DMXL1: variants seen among roughly 807,000 people sequenced by gnomAD.
DMXL1 encodes dmX-like protein 1.
DMXL1 carries 99 observed loss-of-function variants against 319.2 expected under a neutral mutation model. The ratio of observed to expected loss-of-function variants is 0.31; its 90% CI spans 0.26 to 0.37. The LOEUF (loss-of-function observed/expected upper bound fraction) is 0.37. Ranked by LOEUF, DMXL1 falls within the 10% of genes least tolerant of loss-of-function variation. DMXL1 has a pLI of 1.00. For synonymous variants in DMXL1, 1,385 were observed against 1,235.2 expected, an observed-to-expected ratio of 1.12 and a Z score of -2.54; for missense variants, 3,745 against 3,595.6, an observed-to-expected ratio of 1.04 and a Z score of -1.06.
intron 1 of DMXL1, among the ~76,000 whole-genome samples, chr5:119,082,020 TACACACACACACAC>T (rs565047535): frequency 6.5e-5 from 7 of 108,164 alleles, no homozygotes; most frequent in Admixed American, 2.9e-4. Context: ...TATATATATA[TACACACACACACAC>T]ACACACACAC....
chr5:119,238,121 A>T (rs2150721202), intron 40 of DMXL1, among the ~76,000 whole-genome samples: 1 of 152,130 alleles, frequency 6.6e-6, no homozygotes, highest in Non-Finnish European at 1.5e-5. Flanking sequence ...AAAGATTTAG[A>T]TGTATAAGTT....
chr5:119,097,470 C>T (rs1458780482), intron 1 of DMXL1, among the ~76,000 whole-genome samples: 1 of 152,144 alleles, frequency 6.6e-6, no homozygotes, highest in African/African-American at 2.4e-5. Context: ...GTAATCCCAG[C>T]ACTTTGGGAG....
At chr5:119,123,969 A>G (rs1762899497) in intron 9 of DMXL1, among the ~76,000 whole-genome samples, 1 of 150,962 alleles carries the variant, frequency 6.6e-6, no homozygotes. Context: ...GCAGCAACTC[A>G]CTGGATTAGT....
intron 13 of DMXL1, among the ~76,000 whole-genome samples, chr5:119,139,825 C>A (rs189316206): frequency 4.6e-5 from 7 of 152,246 alleles, no homozygotes; most frequent in African/African-American, 1.7e-4. Context: ...AATATATATT[C>A]CTCTCATTGC....
At chr5:119,073,350 C>G (rs1750085691) in intron 1 of DMXL1, among the ~76,000 whole-genome samples, 1 of 152,194 alleles carries the variant, frequency 6.6e-6, no homozygotes, top group African/African-American at 2.4e-5. Flanking sequence ...GCGTGAGCCA[C>G]CATGCCCAGC....
chr5:119,091,180 G>C (rs1754725751), intron 1 of DMXL1, among the ~76,000 whole-genome samples: 1 of 151,882 alleles, frequency 6.6e-6, no homozygotes, highest in Non-Finnish European at 1.5e-5. Flanking sequence ...TGTTTGGTGA[G>C]ATCATGGTTC....
intron 35 of DMXL1, among the ~76,000 whole-genome samples, chr5:119,217,545 C>G (rs566157114): frequency 3.0e-4 from 46 of 152,248 alleles, no homozygotes; most frequent in African/African-American, 1.1e-3. Flanking sequence ...CCTTCTGTCT[C>G]CCCTAATTGC....
chr5:119,226,154 A>G (rs79364157), intron 38 of DMXL1, among the ~76,000 whole-genome samples: 5,304 of 152,250 alleles, frequency 0.035, 245 homozygotes, highest in African/African-American at 0.11. Context: ...GTTAGGTAGC[A>G]TCAATTACTG....
intron 41 of DMXL1, among the ~76,000 whole-genome samples, chr5:119,240,166 G>A (rs985706261): frequency 1.4e-4 from 22 of 151,910 alleles, no homozygotes; most frequent in African/African-American, 3.6e-4. Flanking sequence ...CCAGCTACTC[G>A]GGACATTGAG....
At chr5:119,182,965 T>C (rs745502780) in intron 28 of DMXL1, among the ~76,000 whole-genome samples, 43 of 152,328 alleles carry the variant, frequency 2.8e-4, no homozygotes, top group Non-Finnish European at 5.0e-4. Flanking sequence ...TTTTAAGAAT[T>C]GTTATTGTGT....
At chr5:119,110,779 G>C (rs1580755484) in intron 5 of DMXL1, among the ~76,000 whole-genome samples, 1 of 152,156 alleles carries the variant, frequency 6.6e-6, no homozygotes, top group Non-Finnish European at 1.5e-5. Context: ...TAATGCCACA[G>C]ATGATCAAGC....
intron 1 of DMXL1, among the ~76,000 whole-genome samples, chr5:119,092,571 G>A (rs1353403891): frequency 6.6e-6 from 1 of 152,064 alleles, no homozygotes; most frequent in Non-Finnish European, 1.5e-5. Context: ...TATTAACAAT[G>A]TGTATTACCA....
At chr5:119,119,051 G>C (rs1284733783) in intron 8 of DMXL1, 47 bp downstream of exon 8, 13 of 1,321,896 alleles carry the variant, frequency 9.8e-6, no homozygotes, top group Non-Finnish European at 1.3e-5. Context: ...AAAACCTTTG[G>C]TACATTGCCT....
chr5:119,216,489 C>G (rs1263012138), intron 34 of DMXL1, among the ~76,000 whole-genome samples: 1 of 152,070 alleles, frequency 6.6e-6, no homozygotes, highest in Non-Finnish European at 1.5e-5. Flanking sequence ...CAACAGTGAC[C>G]CTTTGTGGTC....
At chr5:119,077,559 C>G (rs1340439413) in intron 1 of DMXL1, among the ~76,000 whole-genome samples, 1 of 132,750 alleles carries the variant, frequency 7.5e-6, no homozygotes, top group Non-Finnish European at 1.6e-5. Context: ...TCTCAGCTCA[C>G]TGCAGCCTCT....
chr5:119,239,905 C>T (rs933032641), intron 41 of DMXL1, among the ~76,000 whole-genome samples: 2 of 139,672 alleles, frequency 1.4e-5, no homozygotes, highest in Admixed American at 1.6e-4. Flanking sequence ...TGCAGTGAGC[C>T]AAGATCACAC....
At chr5:119,216,795 ACTTT>A (rs1783778039) in intron 34 of DMXL1, 102 bp from the exon 35 acceptor site, 1 of 679,412 alleles carries the variant, frequency 1.5e-6, no homozygotes, top group Admixed American at 2.8e-5. Context: ...TGAAATATCT[ACTTT>A]CTTAAAATAA....
chr5:119,148,759 A>G lies in DMXL1; in HGVS notation c.2932A>G (p.Ile978Val). 8 of 1,612,726 alleles carry G rather than the reference A, an allele frequency of 5.0e-6. No individual in the cohort carries two copies. Among genetic ancestry groups the G allele is most frequent in the Non-Finnish European group, 6.8e-6 (8 of 1,179,110 alleles). The change falls in exon 18 of 44, where the codon ATA (isoleucine) becomes GTA (valine). Residue 978 changes from isoleucine (I) to valine (V), a missense_variant. Ile to Val is a conservative substitution (Grantham distance 29). Coordinates refer to ENST00000539542, the MANE Select transcript of DMXL1 (RefSeq NM_001290321.3). The stretch of plus-strand genomic sequence containing the variant: ...TTTAGGACATCTGAGTTCATCTTCT[A>G]TATATCCTGCATGCAGTGCTCCTTA... ...PSAGHLSSSSIYPACSAPYLL... is the reference protein window; with the variant it reads ...PSAGHLSSSSVYPACSAPYLL...
At position 119,071,675 on chromosome 5, in the gene DMXL1, C is replaced by T. The variant is rs921219; in HGVS notation, c.87+19C>T. ...CTTCACGGTGAGTGAGGGAGGCCCT[C>T]GCGTCGCCCGTGGCCCGGCCTTTGC... On this transcript the variant is annotated intron_variant, in intron 1 of 43. Coordinates refer to ENST00000539542, the MANE Select transcript of DMXL1 (RefSeq NM_001290321.3). The T allele has an allele frequency of 1.3e-6, 2 of 1,567,214 alleles. No individual in the cohort carries two copies. The highest frequency in any genetic ancestry group is 2.4e-5 in the East Asian group (1 of 42,150).
Sources: allele counts gnomAD v4.1 joint callset (sites outside exome capture counted in the v4.1 genomes callset), GRCh38; gene constraint gnomAD v4.1.1; transcripts MANE v1.5; gene names NCBI Gene and HGNC (gene_info 2026-07-23, HGNC 2026-07-21).